The following MAF variants were observed in gnomAD, a reference collection of about 807,000 sequenced individuals.
MAF encodes MAF bZIP transcription factor.
A neutral mutation model predicts 22.0 loss-of-function variants in MAF; 10 were observed. That is an observed-to-expected ratio of 0.45 (90% CI 0.28 to 0.77). MAF has a LOEUF of 0.77. Ranked by LOEUF, MAF falls within the 30% of genes least tolerant of loss-of-function variation. The probability of loss-of-function intolerance (pLI) is 0.12; values close to 1 mark genes in which losing one functional copy is unlikely to be tolerated. For missense variants in MAF, 544 were observed against 548.4 expected (o/e 0.99, Z 0.08); for synonymous variants, 337 against 255.8 (o/e 1.32, Z -3.03).
At chr16:79,596,264 A>G in intron 1 of MAF, 1 of 1,048,098 alleles carries the variant, frequency 9.5e-7, no homozygotes, top group Non-Finnish European at 1.1e-6. Flanking sequence ...TTTGGGGAGA[A>G]AAAAATGAGG....
the MAF span, chr16:79,264,396 C>T: frequency 6.6e-6 from 1 of 152,262 alleles, no homozygotes; most frequent in African/African-American, 2.4e-5. Flanking sequence ...AATCAATGGC[C>T]AAGTCATCAG....
At chr16:79,244,866 G>C in the MAF span, among the ~76,000 whole-genome samples, 6 of 152,048 alleles carry the variant, frequency 3.9e-5, no homozygotes, top group Non-Finnish European at 7.4e-5. Context: ...TACCAAAACA[G>C]ACATATAGAT....
chr16:79,499,709 C>A, the MAF span, among the ~76,000 whole-genome samples: 6 of 152,158 alleles, frequency 3.9e-5, no homozygotes, highest in Non-Finnish European at 7.3e-5. Flanking sequence ...AATGGGCTGG[C>A]ACCTTGATTA....
the MAF span, among the ~76,000 whole-genome samples, chr16:79,300,636 AG>A: frequency 0.11 from 16,842 of 152,074 alleles, 1,018 homozygotes; most frequent in East Asian, 0.21. Flanking sequence ...AAGTTCCTAA[AG>A]ATTATGAAAA....
rs567956240 is a variant in MAF, at chr16:79,598,244, G to T, written c.1118+541C>A. 4.7e-6 allele frequency: 5 copies of T among 1,059,676 alleles called. No individual in the cohort carries two copies. The African/African-American group carries it at 6.8e-5, about 14-fold the overall frequency. 65.6% of individuals were successfully genotyped at this position (1,059,676 alleles called of 1,614,324 possible). A position where few individuals can be genotyped will look rare whatever the true frequency, so the allele number is the denominator to read the frequency against. On this transcript the variant is annotated intron_variant, in intron 1 of 1. Transcript: ENST00000326043. ...GGTTGGAAAAAAGGTGGGCAACACA[G>T]CAAGCTCTAAAAGTAAAATTAAAAA...
At chr16:79,216,908 C>G in the MAF span, among the ~76,000 whole-genome samples, 19 of 151,700 alleles carry the variant, frequency 1.3e-4, no homozygotes, top group African/African-American at 4.6e-4. Flanking sequence ...CTCCGGGGTT[C>G]AAGAGATTCT....
the MAF span, among the ~76,000 whole-genome samples, chr16:79,291,717 CTT>C: frequency 5.3e-5 from 8 of 150,026 alleles, no homozygotes; most frequent in African/African-American, 2.0e-4. Context: ...GCGCTAAAAA[CTT>C]TAGATATATT....
At chr16:79,486,485 A>G in the MAF span, among the ~76,000 whole-genome samples, 1 of 152,152 alleles carries the variant, frequency 6.6e-6, no homozygotes, top group Non-Finnish European at 1.5e-5. Flanking sequence ...TTACCCAAAG[A>G]CTGATTTCAT....
the MAF span, among the ~76,000 whole-genome samples, chr16:79,374,924 G>A: frequency 5.6e-4 from 85 of 152,284 alleles, no homozygotes; most frequent in African/African-American, 1.9e-3. Context: ...GCTCTAAAGG[G>A]CTGAGTTAGT....
chr16:79,316,582 T>C, the MAF span, among the ~76,000 whole-genome samples: 1 of 152,190 alleles, frequency 6.6e-6, no homozygotes, highest in African/African-American at 2.4e-5. Context: ...CAAAGATCAC[T>C]GGAAGGTGCC....
chr16:79,333,543 T>C, the MAF span, among the ~76,000 whole-genome samples: 1 of 152,310 alleles, frequency 6.6e-6, no homozygotes, highest in East Asian at 1.9e-4. Context: ...CAATTTTATT[T>C]CCATGATTTT....
the MAF span, among the ~76,000 whole-genome samples, chr16:79,247,882 G>T: frequency 3.9e-5 from 6 of 152,190 alleles, no homozygotes; most frequent in Non-Finnish European, 7.4e-5. Flanking sequence ...AATAGCCATT[G>T]CCTGTAAAAT....
At chr16:79,399,749 C>T in the MAF span, among the ~76,000 whole-genome samples, 4 of 152,114 alleles carry the variant, frequency 2.6e-5, no homozygotes, top group African/African-American at 4.8e-5. Context: ...TGCTGTCTTA[C>T]CTGGCTATCA....
At chr16:79,539,897 T>C in the MAF span, among the ~76,000 whole-genome samples, 1 of 152,202 alleles carries the variant, frequency 6.6e-6, no homozygotes, top group African/African-American at 2.4e-5. Context: ...GATTTTTTTC[T>C]CTGATGAAAT....
the MAF span, among the ~76,000 whole-genome samples, chr16:79,428,878 A>T: frequency 6.6e-6 from 1 of 150,526 alleles, no homozygotes; most frequent in Non-Finnish European, 1.5e-5. Flanking sequence ...AATAGTAATA[A>T]TGAAAGGGAG....
the MAF span, among the ~76,000 whole-genome samples, chr16:79,492,379 C>A: frequency 6.6e-6 from 1 of 151,996 alleles, no homozygotes; most frequent in African/African-American, 2.4e-5. Flanking sequence ...TGATGTGCAA[C>A]GTATCCGAAT....
chr16:79,318,218 A>C, the MAF span, among the ~76,000 whole-genome samples: 1 of 152,248 alleles, frequency 6.6e-6, no homozygotes, highest in Admixed American at 6.5e-5. Context: ...TCTTAATTCA[A>C]GATGATCCAC....
At chr16:79,454,729 A>G in the MAF span, among the ~76,000 whole-genome samples, 2 of 152,098 alleles carry the variant, frequency 1.3e-5, no homozygotes, top group Non-Finnish European at 2.9e-5. Flanking sequence ...TCAATTCAGC[A>G]TGGTGACCTG....
chr16:79,439,530 G>A, the MAF span, among the ~76,000 whole-genome samples: 2 of 152,088 alleles, frequency 1.3e-5, no homozygotes, highest in South Asian at 4.1e-4. Flanking sequence ...AAAGTGCCGG[G>A]ATTACAGGTG....
Sources: gnomAD v4.1 joint callset for allele counts (sites outside exome capture counted in the v4.1 genomes callset) on GRCh38, gnomAD v4.1.1 for gene constraint, MANE v1.5 for transcripts, NCBI Gene and HGNC (gene_info 2026-07-23, HGNC 2026-07-21) for gene names.